The following STIL variants were observed in gnomAD, a reference collection of about 807,000 sequenced individuals.
The protein encoded by STIL is SCL-interrupting locus protein.
In STIL, 55 loss-of-function variants were observed where a neutral mutation model predicts 110.1. The observed-to-expected ratio is 0.50, with a 90% confidence interval of 0.40 to 0.63. The LOEUF (loss-of-function observed/expected upper bound fraction) is 0.63, where lower values mean the gene tolerates loss of function less well. STIL is among the 20% of genes least tolerant of loss of function. STIL has a pLI of 0.00. For missense variants in STIL, 1,358 were observed against 1,530.0 expected, an observed-to-expected ratio of 0.89 and a Z score of 1.87; for synonymous variants, 481 against 530.0, an observed-to-expected ratio of 0.91 and a Z score of 1.27.
chr1:47,254,679 T>C (rs1249195458), intron 16 of STIL, among the ~76,000 whole-genome samples: 1 of 151,974 alleles, frequency 6.6e-6, no homozygotes, highest in Non-Finnish European at 1.5e-5. Context: ...TACAGGTGCA[T>C]GCCACCATGC....
At chr1:47,260,210 C>T in intron 16 of STIL, 79 bp downstream of exon 16, 2 of 1,370,564 alleles carry the variant, frequency 1.5e-6, no homozygotes, top group Non-Finnish European at 2.0e-6. Context: ...ATTCATCTAG[C>T]CAATGATGGG....
intron 15 of STIL, among the ~76,000 whole-genome samples, chr1:47,260,816 C>T (rs576598109): frequency 2.0e-5 from 3 of 152,006 alleles, no homozygotes; most frequent in Non-Finnish European, 2.9e-5. Flanking sequence ...TGCAGTTAGC[C>T]GTGATTGTGC....
intron 16 of STIL, among the ~76,000 whole-genome samples, 191 bp from the exon 17 acceptor site, chr1:47,252,113 GC>G (rs770318983): frequency 1.3e-5 from 2 of 152,230 alleles, no homozygotes; most frequent in Non-Finnish European, 2.9e-5. Context: ...GGGTATAGTG[GC>G]CCAAGCCTCC....
At chr1:47,303,244 T>A (rs1645858265) in intron 3 of STIL, among the ~76,000 whole-genome samples, 1 of 152,182 alleles carries the variant, frequency 6.6e-6, no homozygotes, top group Non-Finnish European at 1.5e-5. Context: ...TCCTCTCATA[T>A]ATATGGTACA....
chr1:47,268,875 C>T (rs1276688359), intron 14 of STIL, among the ~76,000 whole-genome samples: 6 of 151,882 alleles, frequency 4.0e-5, no homozygotes, highest in Admixed American at 3.3e-4. Flanking sequence ...AGGCAGATCA[C>T]GAGGTCAGGA....
intron 8 of STIL, 145 bp downstream of exon 8, chr1:47,293,313 T>C: frequency 3.2e-6 from 2 of 621,434 alleles, no homozygotes; most frequent in Non-Finnish European, 5.6e-6. Flanking sequence ...TCTCATTTAA[T>C]ATAAGGTTTG....
At position 47,281,185 on chromosome 1, in the gene STIL, G is replaced by A. The variant is rs531564801; in HGVS notation, c.1273C>T (p.Pro425Ser). ...CCATCCAACACAAGTGAAAGTTCAG[G>A]AACTGATGGTTGGATCTTAGAAATC... ...QKISKIQPSV[P>S]ELSLVLDGNF... Residue 425 changes from proline (P) to serine (S), a missense_variant, in exon 12 of 17, where the codon CCT (proline) becomes TCT (serine). Pro to Ser is a moderately conservative substitution (Grantham distance 74). Transcript: ENST00000371877. The A allele has an allele frequency of 1.2e-6, 2 of 1,613,034 alleles. No individual in the cohort carries two copies. The highest frequency in any genetic ancestry group is 2.2e-5 in the South Asian group (2 of 90,606).
chr1:47,251,563 T>A lies in STIL; in HGVS notation c.3440A>T (p.Asp1147Val). 6.2e-7 allele frequency: 1 copy of A among 1,614,054 alleles called. No individual in the cohort carries two copies. The highest frequency in any genetic ancestry group is 8.5e-7 in the Non-Finnish European group (1 of 1,179,946). The change falls in exon 17 of 17, where the codon GAT becomes GTT. Residue 1147 changes from aspartate to valine, a missense_variant. Transcript: ENST00000371877. ...ATTCAATAAATATTCACTCTTGCTATCTGCATTGTCGGGAGGTTCCTCTTC... is the reference window on the plus strand; with the variant it reads ...ATTCAATAAATATTCACTCTTGCTAACTGCATTGTCGGGAGGTTCCTCTTC... The part of the protein sequence containing the change: ...EDEEEPPDNA[D>V]SKSEYLLNQN...
At chr1:47,266,032 T>G (rs771316007) in intron 14 of STIL, among the ~76,000 whole-genome samples, 1 of 152,006 alleles carries the variant, frequency 6.6e-6, no homozygotes, top group African/African-American at 2.4e-5. Context: ...CCTCCCAAAG[T>G]GCTAAGATTA....
chr1:47,269,616 TA>T lies in STIL; in HGVS notation c.2615+18del. On this transcript the variant is annotated intron_variant, in intron 14 of 16. Transcript: ENST00000371877. Reference sequence around the variant, plus strand: ...TTTTTTTGAAAGTAGGATGAAAGACTAAATCAAAGAGACCTTACTTGGATAC... The same window carrying T: ...TTTTTTTGAAAGTAGGATGAAAGACTAATCAAAGAGACCTTACTTGGATAC... The T allele has an allele frequency of 6.2e-7, 1 of 1,610,152 alleles. No individual in the cohort carries two copies. The highest frequency in any genetic ancestry group is 2.2e-5 in the East Asian group (1 of 44,834).
At chr1:47,275,934 A>C (rs555410495) in intron 12 of STIL, among the ~76,000 whole-genome samples, 2 of 152,080 alleles carry the variant, frequency 1.3e-5, no homozygotes, top group Non-Finnish European at 2.9e-5. Context: ...GCCAAGAATA[A>C]ATTTTTTATA....
intron 8 of STIL, among the ~76,000 whole-genome samples, chr1:47,290,045 C>T (rs1310946887): frequency 6.7e-6 from 1 of 149,990 alleles, no homozygotes; most frequent in Admixed American, 6.7e-5. Context: ...GATAATAAAA[C>T]ATAATTGTAC....
intron 3 of STIL, among the ~76,000 whole-genome samples, chr1:47,303,824 C>T (rs1056304992): frequency 6.6e-6 from 1 of 152,220 alleles, no homozygotes; most frequent in Admixed American, 6.5e-5. Flanking sequence ...TTCAGTTCCT[C>T]TATTCAGTCA....
intron 16 of STIL, among the ~76,000 whole-genome samples, chr1:47,258,430 T>A (rs1351169642): frequency 6.6e-6 from 1 of 152,154 alleles, no homozygotes; most frequent in African/African-American, 2.4e-5. Context: ...GGCCTAAAGG[T>A]CCATTAATAG....
In STIL at chr1:47,269,834, C is replaced by G; in HGVS notation, c.2416G>C (p.Asp806His). ...TTCATTTGAGAGTCAGGCTCTTGAT[C>G]CTCACCTGCTGCATTCCAAAACAAG... ...ASLFWNAAGE[D>H]QEPDSQMKQD... is the part of the protein sequence containing the mutation. Residue 806 changes from aspartate to histidine, a missense_variant, in exon 14 of 17, where the codon GAT becomes CAT. By Grantham distance (81) the Asp-to-His change is moderately conservative. Coordinates refer to ENST00000371877, the MANE Select transcript of STIL (RefSeq NM_001048166.1). 1 of 1,614,150 alleles carries G rather than the reference C, an allele frequency of 6.2e-7. No homozygotes were observed. Among genetic ancestry groups the G allele is most frequent in the Non-Finnish European group, 8.5e-7 (1 of 1,180,030 alleles).
intron 8 of STIL, among the ~76,000 whole-genome samples, chr1:47,292,414 T>C (rs1256517268): frequency 4.6e-5 from 7 of 152,138 alleles, no homozygotes; most frequent in African/African-American, 1.7e-4. Context: ...TTTTAGAAAC[T>C]TATCCTACAA....
chr1:47,309,718 T>G (rs945152229), intron 2 of STIL, among the ~76,000 whole-genome samples: 5 of 152,096 alleles, frequency 3.3e-5, no homozygotes, highest in Non-Finnish European at 7.4e-5. Context: ...GTCCCCATAG[T>G]AACAGACTGA....
intron 15 of STIL, among the ~76,000 whole-genome samples, chr1:47,262,586 C>T (rs1644516130): frequency 6.6e-6 from 1 of 152,166 alleles, no homozygotes; most frequent in African/African-American, 2.4e-5. Context: ...AAATATCCCA[C>T]TACTTTCCAA....
intron 13 of STIL, among the ~76,000 whole-genome samples, chr1:47,271,064 A>G (rs986673426): frequency 1.3e-5 from 2 of 151,624 alleles, no homozygotes; most frequent in South Asian, 2.1e-4. Context: ...CTTTAAATTA[A>G]CTCTTTTTTT....
Sources: allele counts gnomAD v4.1 joint callset (sites outside exome capture counted in the v4.1 genomes callset), GRCh38; gene constraint gnomAD v4.1.1; transcripts MANE v1.5; gene names NCBI Gene and HGNC (gene_info 2026-07-23, HGNC 2026-07-21).